The following SAXO1 variants were observed in gnomAD, a reference collection of about 807,000 sequenced individuals.
SAXO1 encodes 4930500O09Rik.
SAXO1 carries 21 observed loss-of-function variants against 17.5 expected under a neutral mutation model. The observed-to-expected ratio is 1.20, with a 90% CI of 0.85 to 1.72. SAXO1 has a LOEUF of 1.72. Ranked by LOEUF, SAXO1 falls within the 40% of genes most tolerant of loss-of-function variation. SAXO1 has a pLI of 0.00. For synonymous variants in SAXO1, 274 were observed against 216.5 expected (o/e 1.27, Z -2.33); for missense variants, 843 against 596.0 (o/e 1.41, Z -4.32).
chr9:19,047,993 A>G (rs1244811513), intron 1 of SAXO1, among the ~76,000 whole-genome samples: 1 of 152,224 alleles, frequency 6.6e-6, no homozygotes, highest in Non-Finnish European at 1.5e-5. Flanking sequence ...ATACATTGAG[A>G]GGAGATTTTC....
intron 1 of SAXO1, among the ~76,000 whole-genome samples, chr9:18,960,017 C>A (rs60829489): frequency 1.6e-4 from 25 of 152,136 alleles, no homozygotes; most frequent in Non-Finnish European, 2.5e-4. Flanking sequence ...TGAGTGGGCA[C>A]GAGGGATGCC....
intron 3 of SAXO1, 79 bp downstream of exon 3, chr9:18,941,558 T>G (rs1831558719): frequency 1.3e-6 from 2 of 1,523,714 alleles, no homozygotes; most frequent in African/African-American, 2.7e-5. Context: ...TAACTGAGTA[T>G]GCACATAAAA....
At position 19,025,249 on chromosome 9, in the gene SAXO1, C is replaced by T. The variant is rs886845166; in HGVS notation, c.38+7622G>A. Among the ~76,000 whole-genome samples, 4 of 152,166 alleles carry T rather than the reference C, an allele frequency of 2.6e-5. No homozygotes were observed. The South Asian group carries it at 6.2e-4, about 24-fold the overall frequency. On this transcript the variant is annotated intron_variant, in intron 1 of 3. Transcript: ENST00000380534. ...CTAAAGATAAGTCATCAGCAAGTATCTGTTAAAGGCTGTTCTTTGTGTTTT... is the reference window on the plus strand; with the variant it reads ...CTAAAGATAAGTCATCAGCAAGTATTTGTTAAAGGCTGTTCTTTGTGTTTT...
chr9:18,941,785 C>A lies in SAXO1; in HGVS notation c.273G>T (p.Gln91His), dbSNP rs745614839. 11 of 1,614,108 alleles carry A rather than the reference C, an allele frequency of 6.8e-6. No homozygotes were observed. In the East Asian group the frequency reaches 1.1e-4, roughly 16 times the overall value. The change falls in exon 3 of 4, where the codon CAG (glutamine) becomes CAT (histidine). Residue 91 changes from glutamine to histidine, a missense_variant. Gln to His is a conservative substitution (Grantham distance 24, BLOSUM62 0). Coordinates refer to ENST00000380534, the MANE Select transcript of SAXO1 (RefSeq NM_153707.4). ...CCATATTCTCTTCACTCGGGACGAA[C>A]TGGTCATACTGGTGGACCTTCACTG... Reference protein sequence around the residue: ...VAPVKVHQYDQFVPSEENMDL... With the variant: ...VAPVKVHQYDHFVPSEENMDL...
At chr9:18,969,708 T>C (rs546263940) in intron 1 of SAXO1, among the ~76,000 whole-genome samples, 3 of 152,378 alleles carry the variant, frequency 2.0e-5, no homozygotes, top group Admixed American at 6.5e-5. Context: ...TTAATATTTT[T>C]GGATGAACAA....
intron 1 of SAXO1, among the ~76,000 whole-genome samples, chr9:18,979,139 A>T (rs1044998471): frequency 6.6e-6 from 1 of 152,234 alleles, no homozygotes; most frequent in African/African-American, 2.4e-5. Flanking sequence ...ATACACAGCA[A>T]CTATAGGTCC....
rs60519404 is a variant in SAXO1 at position 19,008,669 on chromosome 9, A to G, written c.38+24202T>C. ...CTGTGCCAGCTGTAAAGTCTTCTAT[A>G]ATACTTCTGTGAGGTCTCCTTAAAG... On this transcript the variant is annotated intron_variant, in intron 1 of 3. Transcript: ENST00000380534. Among the ~76,000 whole-genome samples the G allele has an allele frequency of 6.2e-3, 944 of 152,312 alleles. 10 individuals carry two copies. Among genetic ancestry groups the G allele is most frequent in the African/African-American group, 0.021 (891 of 41,560 alleles).
chr9:18,965,872 T>A (rs1832695260), intron 1 of SAXO1, among the ~76,000 whole-genome samples: 1 of 152,238 alleles, frequency 6.6e-6, no homozygotes, highest in South Asian at 2.1e-4. Context: ...TGTTTTTGCG[T>A]GGCTGGTACC....
chr9:18,928,484 G>C lies in SAXO1; in HGVS notation c.993C>G (p.Cys331Trp). The C allele has an allele frequency of 1.2e-6, 2 of 1,613,364 alleles. No homozygotes were observed. Among genetic ancestry groups the C allele is most frequent in the Middle Eastern group, 1.7e-4 (1 of 6,056 alleles). ...TGGTGGAAGAGCCTTCAAAGCGACC[G>C]CACTTCTTAATCTGAAGTGCAGGTC... is the stretch of plus-strand genomic sequence containing the variant. ...SCRPALQIKKCGRFEGSSTTK... is the reference protein window; with the variant it reads ...SCRPALQIKKWGRFEGSSTTK... The change falls in exon 4 of 4, where the codon TGC (cysteine) becomes TGG (tryptophan). Residue 331 changes from cysteine to tryptophan, a missense_variant. Transcript: ENST00000380534.
At chr9:19,041,752 G>C (rs1469936560) in intron 1 of SAXO1, among the ~76,000 whole-genome samples, 1 of 152,086 alleles carries the variant, frequency 6.6e-6, no homozygotes, top group Non-Finnish European at 1.5e-5. Flanking sequence ...TGCAGAAGAA[G>C]GAAACTAGAC....
At chr9:18,984,920 T>C (rs1020651704) in intron 1 of SAXO1, among the ~76,000 whole-genome samples, 1 of 152,198 alleles carries the variant, frequency 6.6e-6, no homozygotes, top group Non-Finnish European at 1.5e-5. Context: ...TGTTTTGAGC[T>C]GTTGATTTAA....
intron 1 of SAXO1, among the ~76,000 whole-genome samples, chr9:19,040,881 T>C (rs1836063312): frequency 6.6e-6 from 1 of 151,806 alleles, no homozygotes; most frequent in South Asian, 2.1e-4. Flanking sequence ...AACTATATAC[T>C]TACGTACAAT....
At chr9:18,948,078 G>A (rs897023622) in intron 2 of SAXO1, among the ~76,000 whole-genome samples, 8 of 152,188 alleles carry the variant, frequency 5.3e-5, no homozygotes, top group African/African-American at 1.2e-4. Context: ...GAGGGGTGAC[G>A]ACAATCTGCA....
At chr9:19,013,493 C>T (rs1226684969) in intron 1 of SAXO1, among the ~76,000 whole-genome samples, 1 of 147,920 alleles carries the variant, frequency 6.8e-6, no homozygotes, top group Non-Finnish European at 1.5e-5. Context: ...AATGCAGTCA[C>T]AATACTGTCA....
intron 1 of SAXO1, among the ~76,000 whole-genome samples, chr9:18,972,331 A>G (rs1448003039): frequency 6.6e-6 from 1 of 152,228 alleles, no homozygotes; most frequent in Non-Finnish European, 1.5e-5. Flanking sequence ...AAATTACTGA[A>G]GAAACAAACA....
chr9:19,032,616 G>A (rs971190964), intron 1 of SAXO1, among the ~76,000 whole-genome samples: 1 of 152,160 alleles, frequency 6.6e-6, no homozygotes, highest in Non-Finnish European at 1.5e-5. Flanking sequence ...CAGACTGCGC[G>A]GTCACGCCCA....
chr9:19,036,104 G>A (rs527965513), upstream of SAXO1, among the ~76,000 whole-genome samples: 3 of 151,294 alleles, frequency 2.0e-5, no homozygotes, highest in African/African-American at 2.4e-5. Flanking sequence ...GGGGCCTGGC[G>A]GGGGGTAGGG....
intron 1 of SAXO1, among the ~76,000 whole-genome samples, chr9:19,028,649 C>T (rs1358996378): frequency 1.3e-5 from 2 of 152,186 alleles, no homozygotes; most frequent in Non-Finnish European, 2.9e-5. Context: ...AATATTATGA[C>T]ATTCTATGGT....
At chr9:19,031,121 T>C (rs1427566988) in intron 1 of SAXO1, among the ~76,000 whole-genome samples, 2 of 152,220 alleles carry the variant, frequency 1.3e-5, no homozygotes, top group Non-Finnish European at 2.9e-5. Flanking sequence ...GGAGGGAGAC[T>C]TCTCACTATA....
Sources: gnomAD v4.1 joint callset for allele counts (sites outside exome capture counted in the v4.1 genomes callset) on GRCh38, gnomAD v4.1.1 for gene constraint, MANE v1.5 for transcripts, NCBI Gene and HGNC (gene_info 2026-07-23, HGNC 2026-07-21) for gene names.